Variants in TRABD2B observed in about 807,000 individuals in gnomAD.
The protein encoded by TRABD2B is TraB domain containing 2B.
TRABD2B carries 14 observed loss-of-function variants against 40.1 expected under a neutral mutation model. The observed-to-expected ratio is 0.35, with a 90% CI of 0.23 to 0.55. The LOEUF (loss-of-function observed/expected upper bound fraction) is 0.55. TRABD2B is among the 20% of genes least tolerant of loss of function. The pLI is 0.90. For synonymous variants in TRABD2B, 263 were observed against 277.0 expected, an observed-to-expected ratio of 0.95 and a Z score of 0.50; for missense variants, 541 against 648.6, an observed-to-expected ratio of 0.83 and a Z score of 1.80.
chr1:47,971,455 C>A (rs1645681304), intron 2 of TRABD2B, among the ~76,000 whole-genome samples: 2 of 152,204 alleles, frequency 1.3e-5, no homozygotes, highest in South Asian at 4.1e-4. Context: ...TCTCGCCAAT[C>A]TGAATTCTTA....
intron 2 of TRABD2B, among the ~76,000 whole-genome samples, chr1:47,944,462 G>A (rs556074295): frequency 3.9e-5 from 6 of 152,192 alleles, no homozygotes; most frequent in African/African-American, 7.2e-5. Flanking sequence ...AACTCACTGG[G>A]AGTAATGCTT....
intron 2 of TRABD2B, among the ~76,000 whole-genome samples, chr1:47,838,387 A>G (rs952365353): frequency 5.9e-5 from 9 of 152,200 alleles, no homozygotes; most frequent in South Asian, 2.1e-4. Flanking sequence ...GTGAGCATCC[A>G]TCTCTGGAGG....
intron 6 of TRABD2B, among the ~76,000 whole-genome samples, chr1:47,771,731 C>A (rs1305503528): frequency 6.6e-6 from 1 of 152,218 alleles, no homozygotes; most frequent in Non-Finnish European, 1.5e-5. Context: ...GAATATTCTG[C>A]CACTGCACAG....
At chr1:47,968,098 G>C (rs747450732) in intron 2 of TRABD2B, among the ~76,000 whole-genome samples, 1 of 152,164 alleles carries the variant, frequency 6.6e-6, no homozygotes, top group Non-Finnish European at 1.5e-5. Flanking sequence ...ATGGTAACTG[G>C]AACTAGGCAA....
rs980355405 is a variant in TRABD2B, at chr1:47,902,850, G to A, written c.666+91184C>T. Among the ~76,000 whole-genome samples, 15 of 152,322 alleles carry A rather than the reference G, an allele frequency of 9.8e-5. 1 individual carries two copies. Among genetic ancestry groups the A allele is most frequent in the African/African-American group, 3.6e-4 (15 of 41,574 alleles). On this transcript the variant is annotated intron_variant, in intron 2 of 6. Transcript: ENST00000606738. ...CACCTGAAATGTGGCTATTGAGACTGAGGAATATAATTTTAATGTTGTTTA... is the reference window on the plus strand; with the variant it reads ...CACCTGAAATGTGGCTATTGAGACTAAGGAATATAATTTTAATGTTGTTTA...
chr1:47,887,894 G>A (rs1644392084), intron 2 of TRABD2B, among the ~76,000 whole-genome samples: 1 of 152,156 alleles, frequency 6.6e-6, no homozygotes, highest in South Asian at 2.1e-4. Flanking sequence ...ACAACCCTGA[G>A]GATTTACAAC....
At chr1:47,969,310 A>G (rs1645647553) in intron 2 of TRABD2B, among the ~76,000 whole-genome samples, 1 of 152,232 alleles carries the variant, frequency 6.6e-6, no homozygotes, top group African/African-American at 2.4e-5. Flanking sequence ...TCTGAGATGC[A>G]GGGCCAGGCT....
In TRABD2B at chr1:47,807,406, C is replaced by G. The variant is rs113185560; in HGVS notation, c.667-5787G>C. Among the ~76,000 whole-genome samples, 13 of 152,318 alleles carry G rather than the reference C, an allele frequency of 8.5e-5. 3 individuals carry two copies. Among genetic ancestry groups the G allele is most frequent in the African/African-American group, 3.1e-4 (13 of 41,560 alleles). ...GAAAACCACAACAACCCAATCCAGA[C>G]AGGACTACTAATGGCCCAGACCATT... is the stretch of plus-strand genomic sequence containing the variant. On this transcript the variant is annotated intron_variant, in intron 2 of 6. Coordinates refer to ENST00000606738, the MANE Select transcript of TRABD2B (RefSeq NM_001194986.2).
intron 2 of TRABD2B, among the ~76,000 whole-genome samples, chr1:47,822,850 C>T (rs556806371): frequency 2.0e-5 from 3 of 152,200 alleles, no homozygotes; most frequent in Non-Finnish European, 4.4e-5. Context: ...GCACTAGCAA[C>T]TCCTGATCCA....
chr1:47,918,574 AC>A (rs1046210294), intron 2 of TRABD2B, among the ~76,000 whole-genome samples: 2 of 151,992 alleles, frequency 1.3e-5, no homozygotes, highest in African/African-American at 4.8e-5. Flanking sequence ...GTTTATGAAT[AC>A]CCCCTCCCTC....
At chr1:47,905,587 C>T (rs915112656) in intron 2 of TRABD2B, among the ~76,000 whole-genome samples, 4 of 152,206 alleles carry the variant, frequency 2.6e-5, no homozygotes, top group African/African-American at 9.6e-5. Context: ...AAGAAATCTA[C>T]ATTTCCCATC....
intron 2 of TRABD2B, among the ~76,000 whole-genome samples, chr1:47,978,029 T>C (rs1210982722): frequency 2.6e-5 from 4 of 151,772 alleles, no homozygotes; most frequent in African/African-American, 9.7e-5. Flanking sequence ...TTCACAAAAT[T>C]CTCCCCCAAA....
chr1:47,834,579 G>GCACACA lies in TRABD2B; in HGVS notation c.667-32966_667-32961dup, dbSNP rs3035710. ...TGTGCTCCAACACACACACACACGCGCACACACACACACACACACACACAG... is the reference window on the plus strand; with the variant it reads ...TGTGCTCCAACACACACACACACGCGCACACACACACACACACACACACACACACAG... On this transcript the variant is annotated intron_variant, in intron 2 of 6. Transcript: ENST00000606738. 5.9e-4 allele frequency among the ~76,000 whole-genome samples: 88 copies of GCACACA among 148,926 alleles called. 1 individual carries two copies. The highest frequency in any genetic ancestry group is 2.1e-3 in the African/African-American group (86 of 40,620).
rs1645407862 is a variant in TRABD2B at position 47,842,219 on chromosome 1, G to A, written c.667-40600C>T. 1.3e-5 allele frequency among the ~76,000 whole-genome samples: 2 copies of A among 152,184 alleles called. 1 individual carries two copies. Among genetic ancestry groups the A allele is most frequent in the East Asian group, 3.9e-4 (2 of 5,182 alleles). The stretch of plus-strand genomic sequence containing the variant: ...GCTTTTCCCCATCTAGACTCTCATA[G>A]AGAATGGTGATACTGGCAGGGTGCA... On this transcript the variant is annotated intron_variant, in intron 2 of 6. Coordinates refer to ENST00000606738, the MANE Select transcript of TRABD2B (RefSeq NM_001194986.2).
At chr1:47,827,126 G>A (rs1409471902) in intron 2 of TRABD2B, among the ~76,000 whole-genome samples, 2 of 152,176 alleles carry the variant, frequency 1.3e-5, no homozygotes, top group African/African-American at 4.8e-5. Flanking sequence ...GGCTGCCAGG[G>A]ATGCCACCCA....
intron 2 of TRABD2B, among the ~76,000 whole-genome samples, chr1:47,812,164 G>A (rs970968219): frequency 2.6e-5 from 4 of 152,070 alleles, no homozygotes; most frequent in Middle Eastern, 3.2e-3. Flanking sequence ...TTCATAAACC[G>A]AACACACTCT....
chr1:47,800,738 G>A (rs1644811649), intron 3 of TRABD2B, among the ~76,000 whole-genome samples: 2 of 152,330 alleles, frequency 1.3e-5, no homozygotes, highest in South Asian at 4.1e-4. Flanking sequence ...GCTCAGGAAG[G>A]TTTCTCAGGA....
intron 2 of TRABD2B, among the ~76,000 whole-genome samples, chr1:47,840,734 G>GCTT (rs1645385302): frequency 6.6e-6 from 1 of 152,212 alleles, no homozygotes; most frequent in South Asian, 2.1e-4. Flanking sequence ...GCAGCACTGA[G>GCTT]CTTCTGCCTG....
At position 47,996,823 on chromosome 1, in the gene TRABD2B, C is replaced by T; in HGVS notation, c.-34G>A. ...GGCCCGCGGGGCGCGGGGGACCCTC[C>T]TGGGCGGCGCCCCTCAGCGGGGCGG... is the stretch of plus-strand genomic sequence containing the variant. On this transcript the variant is annotated 5_prime_UTR_variant, in exon 1 of 7. Coordinates refer to ENST00000606738, the MANE Select transcript of TRABD2B (RefSeq NM_001194986.2). The surrounding 1 kb of genome is among the most constrained non-coding windows in gnomAD (Gnocchi z 4.6). 8.5e-7 allele frequency: 1 copy of T among 1,174,286 alleles called. No individual in the cohort carries two copies. Among genetic ancestry groups the T allele is most frequent in the Non-Finnish European group, 1.1e-6 (1 of 951,112 alleles). The allele number at this position is 1,174,286 out of a possible 1,614,324, so 72.7% of individuals were successfully genotyped here.
Sources: gnomAD v4.1 joint callset for allele counts (sites outside exome capture counted in the v4.1 genomes callset) on GRCh38, gnomAD v4.1.1 for gene constraint, Gnocchi (gnomAD v3.1) non-coding constraint, MANE v1.5 for transcripts, NCBI Gene and HGNC (gene_info 2026-07-23, HGNC 2026-07-21) for gene names.